Variants in SHOC2 observed in about 807,000 individuals in gnomAD.
SHOC2 encodes SHOC2 leucine rich repeat scaffold protein.
In SHOC2, 4 loss-of-function variants were observed where a neutral mutation model predicts 50.2. The ratio of observed to expected loss-of-function variants is 0.08; its 90% CI spans 0.04 to 0.18. SHOC2 has a LOEUF of 0.18. SHOC2 is among the 10% of genes least tolerant of loss of function. SHOC2 has a pLI of 1.00. For synonymous variants in SHOC2, 218 were observed against 244.5 expected (o/e 0.89, Z 1.01); for missense variants, 388 against 669.6 (o/e 0.58, Z 4.64).
intron 1 of SHOC2, among the ~76,000 whole-genome samples, chr10:110,958,793 A>T (rs137928749): frequency 2.6e-5 from 4 of 151,874 alleles, no homozygotes; most frequent in Non-Finnish European, 4.4e-5. Context: ...CCGGCTACTC[A>T]GACATTACCC....
chr10:110,955,311 CAAAGGTTTGGATATGGG>C (rs1847438967), intron 1 of SHOC2, among the ~76,000 whole-genome samples: 1 of 151,978 alleles, frequency 6.6e-6, no homozygotes, highest in Non-Finnish European at 1.5e-5. Flanking sequence ...CCATGTTTGC[CAAAGGTTTGGATATGGG>C]AAATTAAGGA....
chr10:110,936,565 G>A, intron 1 of SHOC2: 1 of 651,564 alleles, frequency 1.5e-6, no homozygotes, highest in Non-Finnish European at 2.6e-6. Flanking sequence ...CTTTTCTTAG[G>A]AAAGGGCATG....
chr10:110,931,744 G>A (rs1407624067), intron 1 of SHOC2, among the ~76,000 whole-genome samples: 1 of 151,990 alleles, frequency 6.6e-6, no homozygotes, highest in African/African-American at 2.4e-5. Context: ...TATGTTTAGA[G>A]TTATTTATAG....
intron 3 of SHOC2, among the ~76,000 whole-genome samples, chr10:110,997,675 T>C (rs1848294000): frequency 6.6e-6 from 1 of 152,322 alleles, no homozygotes; most frequent in East Asian, 1.9e-4. Context: ...TATGTATCTG[T>C]TAGTCATGGT....
intron 2 of SHOC2, among the ~76,000 whole-genome samples, chr10:110,969,007 T>G (rs1322652948): frequency 6.6e-6 from 1 of 152,160 alleles, no homozygotes; most frequent in Non-Finnish European, 1.5e-5. Flanking sequence ...GTGATACATA[T>G]TCACATGGGT....
chr10:110,976,579 T>A (rs1448467077), intron 2 of SHOC2, among the ~76,000 whole-genome samples: 1 of 152,198 alleles, frequency 6.6e-6, no homozygotes, highest in Non-Finnish European at 1.5e-5. Context: ...CCCAGAATGT[T>A]GGGATTAAGG....
chr10:110,940,447 C>T (rs895761091), intron 1 of SHOC2, among the ~76,000 whole-genome samples: 4 of 152,074 alleles, frequency 2.6e-5, no homozygotes, highest in South Asian at 4.1e-4. Context: ...TCAGCATATA[C>T]GTGAAAATAG....
chr10:110,939,144 C>G (rs1384076971), intron 1 of SHOC2, among the ~76,000 whole-genome samples: 1 of 152,150 alleles, frequency 6.6e-6, no homozygotes, highest in African/African-American at 2.4e-5. Flanking sequence ...TAGCTTTTGC[C>G]TAGGTCACAT....
chr10:110,938,711 C>G (rs565718760), intron 1 of SHOC2, among the ~76,000 whole-genome samples: 1 of 152,132 alleles, frequency 6.6e-6, no homozygotes, highest in Non-Finnish European at 1.5e-5. Context: ...GGAAGCACTT[C>G]TTATTCCAAA....
Position 110,985,701 on chromosome 10 carries a change from C to T in SHOC2, c.777C>T (p.Asn259=), listed in dbSNP as rs1421843838. The T allele has an allele frequency of 6.2e-7, 1 of 1,612,330 alleles. No individual in the cohort carries two copies. Among genetic ancestry groups the T allele is most frequent in the Non-Finnish European group, 8.5e-7 (1 of 1,178,950 alleles). ...QLEHLPKEIG[N]CTQITNLDLQ... ...AACACCTTCCAAAGGAGATTGGAAA[C>T]TGTACACAGATAACCAACCTTGACT... Residue 259 remains asparagine, a synonymous_variant, in exon 3 of 9, where the codon AAC becomes AAT. Coordinates refer to ENST00000369452, the MANE Select transcript of SHOC2 (RefSeq NM_007373.4).
intron 1 of SHOC2, among the ~76,000 whole-genome samples, chr10:110,960,523 A>G (rs374939474): frequency 1.3e-5 from 2 of 152,338 alleles, no homozygotes; most frequent in African/African-American, 4.8e-5. Flanking sequence ...CTTAGTAGGT[A>G]TCTGACTTTG....
At position 111,009,141 on chromosome 10, in the gene SHOC2, T is replaced by G. The variant is rs1848522569; in HGVS notation, c.1285-107T>G. ...ATATAATTGAACATCACCCTTAATA[T>G]TCACTGTTTGGAAAATTAGCATTGC... On this transcript the variant is annotated intron_variant, in intron 6 of 8. Coordinates refer to ENST00000369452, the MANE Select transcript of SHOC2 (RefSeq NM_007373.4). 3 of 728,372 alleles carry G rather than the reference T, an allele frequency of 4.1e-6. No homozygotes were observed. The South Asian group carries it at 5.3e-5, about 13-fold the overall frequency. 45.1% of individuals were successfully genotyped at this position (728,372 alleles called of 1,614,324 possible). A position where few individuals can be genotyped will look rare whatever the true frequency, so the allele number is the denominator to read the frequency against.
At chr10:110,928,762 G>T (rs1846828403) in intron 1 of SHOC2, among the ~76,000 whole-genome samples, 1 of 152,008 alleles carries the variant, frequency 6.6e-6, no homozygotes, top group Non-Finnish European at 1.5e-5. Flanking sequence ...GGGTGTGGTG[G>T]CATGCATCGG....
At chr10:110,982,670 G>C (rs950388990) in intron 2 of SHOC2, among the ~76,000 whole-genome samples, 2 of 151,862 alleles carry the variant, frequency 1.3e-5, no homozygotes, top group African/African-American at 2.4e-5. Flanking sequence ...AGAAGTGTCT[G>C]TTCATGTCCT....
At chr10:110,987,428 A>G (rs1030796767) in intron 3 of SHOC2, among the ~76,000 whole-genome samples, 3 of 151,994 alleles carry the variant, frequency 2.0e-5, no homozygotes, top group Non-Finnish European at 2.9e-5. Context: ...GTTAGAATCT[A>G]TGTTTCCCTG....
At chr10:111,006,368 T>C (rs1034642512) in intron 5 of SHOC2, among the ~76,000 whole-genome samples, 2 of 152,188 alleles carry the variant, frequency 1.3e-5, no homozygotes, top group East Asian at 3.8e-4. Flanking sequence ...CAGCAAATTT[T>C]TTTTTGTTGT....
At chr10:110,951,890 T>A (rs1397495015) in intron 1 of SHOC2, 1 of 152,280 alleles carries the variant, frequency 6.6e-6, no homozygotes, top group Non-Finnish European at 1.5e-5. Context: ...ACTCCTGACC[T>A]CAAGTGATCC....
intron 1 of SHOC2, chr10:110,920,056 C>T (rs1018740369): frequency 6.7e-6 from 1 of 150,328 alleles, no homozygotes; most frequent in African/African-American, 2.4e-5. Flanking sequence ...TCTCTCCTCT[C>T]GGCTCCCTGG....
At chr10:110,923,343 T>C (rs1253548062) in intron 1 of SHOC2, among the ~76,000 whole-genome samples, 1 of 152,068 alleles carries the variant, frequency 6.6e-6, no homozygotes, top group Non-Finnish European at 1.5e-5. Flanking sequence ...TGAGAAACTT[T>C]TATGTTCTAA....
Sources: gnomAD v4.1 joint callset for allele counts (sites outside exome capture counted in the v4.1 genomes callset) on GRCh38, gnomAD v4.1.1 for gene constraint, MANE v1.5 for transcripts, NCBI Gene and HGNC (gene_info 2026-07-23, HGNC 2026-07-21) for gene names.